The following HSP90B1 variants were observed in gnomAD, a reference collection of about 807,000 sequenced individuals.
HSP90B1 encodes endoplasmin.
Under a neutral mutation model 100.4 loss-of-function variants are expected in HSP90B1, and 27 were observed. The observed-to-expected ratio is 0.27, with a 90% CI of 0.20 to 0.37. HSP90B1 has a LOEUF of 0.37. Among genes scored for constraint, HSP90B1 ranks in the 10% least tolerant of loss-of-function variants. HSP90B1 has a pLI of 1.00. For synonymous variants in HSP90B1, 304 were observed against 330.8 expected, an observed-to-expected ratio of 0.92 and a Z score of 0.88; for missense variants, 678 against 960.5, an observed-to-expected ratio of 0.71 and a Z score of 3.89.
At chr12:103,935,660 C>G (rs752818270) in intron 5 of HSP90B1, among the ~76,000 whole-genome samples, 1 of 152,174 alleles carries the variant, frequency 6.6e-6, no homozygotes, top group South Asian at 2.1e-4. Context: ...GCCTTCGTCA[C>G]TAACATTGAT....
rs748195956 is a variant in HSP90B1, at chr12:103,947,365, G to A, written c.2317G>A (p.Asp773Asn). ...AGAGACAGCAGAAGACACAACAGAA[G>A]ACACAGAGCAAGACGAAGATGAAGA... ...PEETAEDTTEDTEQDEDEEMD... is the reference protein window; with the variant it reads ...PEETAEDTTENTEQDEDEEMD... Residue 773 changes from aspartate (D) to asparagine (N), a missense_variant, in exon 17 of 18, where the codon GAC (aspartate) becomes AAC (asparagine). By Grantham distance (23) the Asp-to-Asn change is conservative. Around this residue, in one of 8 missense-constraint regions of HSP90B1, gnomAD observed 65 missense variants for 65.1 expected, o/e 1.00. Coordinates refer to ENST00000299767, the MANE Select transcript of HSP90B1 (RefSeq NM_003299.3). 6.8e-6 allele frequency: 11 copies of A among 1,608,842 alleles called. No individual in the cohort carries two copies. The Admixed American group carries it at 1.8e-4, about 27-fold the overall frequency.
chr12:103,931,693 T>C (rs1399794358), intron 2 of HSP90B1, 70 bp downstream of exon 2: 2 of 1,088,678 alleles, frequency 1.8e-6, no homozygotes, highest in Admixed American at 1.9e-5. Flanking sequence ...TCACTTCTTA[T>C]GTATCTCTTC....
Position 103,934,262 on chromosome 12 carries a change from A to T in HSP90B1, c.718A>T (p.Thr240Ser). The T allele has an allele frequency of 6.2e-7, 1 of 1,613,416 alleles. No individual in the cohort carries two copies. Among genetic ancestry groups the T allele is most frequent in the Non-Finnish European group, 8.5e-7 (1 of 1,179,350 alleles). The change falls in exon 5 of 18, where the codon ACT becomes TCT. Residue 240 changes from threonine to serine, a missense_variant. Physicochemically the swap from Thr to Ser is moderately conservative, Grantham distance 58. Coordinates refer to ENST00000299767, the MANE Select transcript of HSP90B1 (RefSeq NM_003299.3). ...FSVIADPRGNTLGRGTTITLV... is the reference protein window; with the variant it reads ...FSVIADPRGNSLGRGTTITLV... ...TGTAATTGCTGACCCAAGAGGAAAC[A>T]CTCTAGGACGGGGAACGACAATTAC...
intron 15 of HSP90B1, 27 bp from the exon 16 acceptor site, chr12:103,946,759 A>C: frequency 1.9e-6 from 3 of 1,613,398 alleles, no homozygotes; most frequent in Non-Finnish European, 2.5e-6. Context: ...TTTTAATATT[A>C]ATCTAGTGCA....
intron 5 of HSP90B1, among the ~76,000 whole-genome samples, chr12:103,934,787 C>T (rs1472829082): frequency 2.0e-5 from 3 of 152,190 alleles, no homozygotes; most frequent in South Asian, 2.1e-4. Context: ...CCACAACCTC[C>T]GCTTCCTGGG....
intron 11 of HSP90B1, 95 bp from the exon 12 acceptor site, chr12:103,942,432 C>T (rs79594956): frequency 4.5e-6 from 5 of 1,105,528 alleles, no homozygotes; most frequent in Admixed American, 2.3e-5. Context: ...ATAACGATAT[C>T]GTCTTTGTGT....
intron 2 of HSP90B1, chr12:103,931,963 C>A: frequency 2.2e-6 from 1 of 445,334 alleles, no homozygotes. Flanking sequence ...TAAAATTTGG[C>A]CTCTTGGGAC....
chr12:103,934,202 C>T lies in HSP90B1; in HGVS notation c.658C>T (p.Gln220Ter). The change falls in exon 5 of 18, where the codon CAG becomes TAG. Residue 220 changes from glutamine (Q) to a stop codon, truncating the protein, a stop_gained. Transcript: ENST00000299767. LOFTEE classifies it high-confidence loss of function. ...CACTTCAAAACACAACAACGATACC[C>T]AGCACATCTGGGAGTCTGACTCCAA... Reference protein sequence around the residue: ...IVTSKHNNDTQHIWESDSNEF... With the variant: ...IVTSKHNNDT 6.2e-7 allele frequency: 1 copy of T among 1,614,186 alleles called. No homozygotes were observed. The highest frequency in any genetic ancestry group is 8.5e-7 in the Non-Finnish European group (1 of 1,180,012).
intron 8 of HSP90B1, among the ~76,000 whole-genome samples, chr12:103,940,176 T>C (rs529321459): frequency 2.0e-5 from 3 of 152,298 alleles, no homozygotes; most frequent in Non-Finnish European, 4.4e-5. Flanking sequence ...ACCACCTACA[T>C]AGGTAGATGT....
At chr12:103,946,353 C>G (rs1052715097) in intron 14 of HSP90B1, among the ~76,000 whole-genome samples, 4 of 152,248 alleles carry the variant, frequency 2.6e-5, no homozygotes, top group East Asian at 1.9e-4. Flanking sequence ...AGTGGGAGCT[C>G]TGTGTGTGTG....
intron 7 of HSP90B1, 140 bp from the exon 8 acceptor site, chr12:103,939,369 C>G: frequency 2.7e-6 from 1 of 377,132 alleles, no homozygotes; most frequent in Non-Finnish European, 4.6e-6. Flanking sequence ...TCCCAAAGTG[C>G]TAGGATTACA....
chr12:103,941,760 T>C, intron 10 of HSP90B1, 54 bp downstream of exon 10: 1 of 1,601,096 alleles, frequency 6.2e-7, no homozygotes, highest in Non-Finnish European at 8.6e-7. Flanking sequence ...TCTGGCAGTG[T>C]AGAGTGTTTG....
intron 5 of HSP90B1, among the ~76,000 whole-genome samples, 192 bp from the exon 6 acceptor site, chr12:103,937,502 AT>A (rs1869951242): frequency 6.6e-6 from 1 of 152,176 alleles, no homozygotes; most frequent in Admixed American, 6.5e-5. Flanking sequence ...TGTAGAGGAG[AT>A]TCTTCTCTTT....
intron 14 of HSP90B1, among the ~76,000 whole-genome samples, chr12:103,945,218 C>T (rs1221936896): frequency 1.3e-5 from 2 of 152,124 alleles, no homozygotes; most frequent in African/African-American, 2.4e-5. Context: ...GCAGGAGTAT[C>T]AGTTGATTCC....
chr12:103,942,956 T>A, intron 12 of HSP90B1, 118 bp from the exon 13 acceptor site: 8 of 1,451,334 alleles, frequency 5.5e-6, no homozygotes, highest in Non-Finnish European at 7.5e-6. Context: ...TCTCTGAACC[T>A]CTTAATTCTT....
rs1305995754 is a variant in HSP90B1, at chr12:103,943,874, A to C, written c.2027A>C (p.Asn676Thr). 2.5e-6 allele frequency: 4 copies of C among 1,612,588 alleles called. No individual in the cohort carries two copies. Among genetic ancestry groups the C allele is most frequent in the Non-Finnish European group, 3.4e-6 (4 of 1,179,386 alleles). ...CAAACGGGCAAGGACATCTCTACAA[A>C]GTAAGCATCCTCGGGAAAGTCCCTG... ...AYQTGKDIST[N>T]YYASQKKTFE... The change falls in exon 14 of 18, where the codon AAT (asparagine) becomes ACT (threonine). Residue 676 changes from asparagine to threonine, a missense_variant and splice_region_variant. Coordinates refer to ENST00000299767, the MANE Select transcript of HSP90B1 (RefSeq NM_003299.3). The surrounding 1 kb of genome is among the most constrained non-coding windows in gnomAD (Gnocchi z 5.3).
In HSP90B1 at chr12:103,939,587, G is replaced by A. The variant is rs1436578733; in HGVS notation, c.1054G>A (p.Glu352Lys). 5.1e-6 allele frequency: 8 copies of A among 1,573,568 alleles called. No homozygotes were observed. The highest frequency in any genetic ancestry group is 6.1e-6 in the Non-Finnish European group (7 of 1,154,956). The change falls in exon 8 of 18, where the codon GAA becomes AAA. Residue 352 changes from glutamate to lysine, a missense_variant. Glu to Lys is a moderately conservative substitution (Grantham distance 56). Coordinates refer to ENST00000299767, the MANE Select transcript of HSP90B1 (RefSeq NM_003299.3). The part of the protein sequence containing the change: ...IWQRPSKEVE[E>K]DEYKAFYKSF... The stretch of plus-strand genomic sequence containing the variant: ...GCAGAGACCATCAAAAGAAGTAGAA[G>A]AAGATGAATACAAAGCTTTCTACAA...
chr12:103,936,932 A>G (rs1415664716), intron 5 of HSP90B1, among the ~76,000 whole-genome samples: 2 of 152,224 alleles, frequency 1.3e-5, no homozygotes, highest in Non-Finnish European at 1.5e-5. Flanking sequence ...CTTTTGAGAC[A>G]GGGAGGGAAC....
At chr12:103,936,399 C>T (rs778280681) in intron 5 of HSP90B1, among the ~76,000 whole-genome samples, 5 of 151,988 alleles carry the variant, frequency 3.3e-5, no homozygotes, top group Admixed American at 6.6e-5. Flanking sequence ...CCCAGCACCT[C>T]GGGAGGCTGA....
Sources: allele counts gnomAD v4.1 joint callset (sites outside exome capture counted in the v4.1 genomes callset), GRCh38; gene constraint gnomAD v4.1.1; regional missense constraint gnomAD v4.1.1; non-coding constraint Gnocchi (gnomAD v3.1); transcripts MANE v1.5; gene names NCBI Gene and HGNC (gene_info 2026-07-23, HGNC 2026-07-21).